Variants in PHF20 observed in about 807,000 individuals in gnomAD.
The protein encoded by PHF20 is glioma-expressed antigen 2.
A neutral mutation model predicts 113.5 loss-of-function variants in PHF20; 23 were observed. That is an observed-to-expected ratio of 0.20 (90% CI 0.15 to 0.29). The LOEUF is 0.29. PHF20 is among the 10% of genes least tolerant of loss of function. The pLI is 1.00. For missense variants in PHF20, 943 were observed against 1,219.6 expected, an observed-to-expected ratio of 0.77 and a Z score of 3.38; for synonymous variants, 434 against 457.3, an observed-to-expected ratio of 0.95 and a Z score of 0.65.
chr20:35,913,391 G>T, intron 11 of PHF20, 44 bp downstream of exon 11: 3 of 1,332,730 alleles, frequency 2.3e-6, no homozygotes, highest in South Asian at 2.5e-5. Context: ...TCCTTACTAT[G>T]AATGGGGAGG....
At chr20:35,833,234 T>C (rs1164261618) in intron 2 of PHF20, among the ~76,000 whole-genome samples, 1 of 152,168 alleles carries the variant, frequency 6.6e-6, no homozygotes, top group African/African-American at 2.4e-5. Flanking sequence ...TGGTCTTCTG[T>C]GGCTTCTTGG....
At chr20:35,852,381 C>A (rs561554734) in intron 4 of PHF20, among the ~76,000 whole-genome samples, 22 of 152,266 alleles carry the variant, frequency 1.4e-4, no homozygotes. Context: ...AGCTCCTGCT[C>A]AGTGATTATG....
At chr20:35,865,063 G>A (rs562211750) in intron 6 of PHF20, among the ~76,000 whole-genome samples, 80 of 152,028 alleles carry the variant, frequency 5.3e-4, no homozygotes, top group South Asian at 2.1e-3. Context: ...TTGGTGGTGG[G>A]TGCCTGTAAT....
intron 4 of PHF20, among the ~76,000 whole-genome samples, chr20:35,848,013 C>A (rs544180680): frequency 2.6e-5 from 4 of 152,062 alleles, no homozygotes; most frequent in African/African-American, 9.7e-5. Flanking sequence ...ATAATATGTA[C>A]GGTCAGGATC....
At chr20:35,842,226 T>G (rs1312812079) in intron 2 of PHF20, among the ~76,000 whole-genome samples, 1 of 152,024 alleles carries the variant, frequency 6.6e-6, no homozygotes, top group Non-Finnish European at 1.5e-5. Flanking sequence ...GGCGCTGTAA[T>G]CCCCGCTACT....
chr20:35,853,480 A>T (rs1025323031), intron 4 of PHF20: 4 of 152,236 alleles, frequency 2.6e-5, no homozygotes, highest in Non-Finnish European at 4.4e-5. Flanking sequence ...AGGATGGCAC[A>T]CATCTGTAAT....
chr20:35,887,794 A>G (rs1568710542), intron 9 of PHF20: 1 of 150,536 alleles, frequency 6.6e-6, no homozygotes, highest in Admixed American at 6.7e-5. Context: ...TGACATGTCT[A>G]CAAAGACTGA....
intron 1 of PHF20, among the ~76,000 whole-genome samples, chr20:35,789,639 C>T (rs953359591): frequency 2.6e-5 from 4 of 151,718 alleles, no homozygotes; most frequent in Non-Finnish European, 2.9e-5. Context: ...CTCCACCTGC[C>T]GGGTTCAAGC....
intron 2 of PHF20, among the ~76,000 whole-genome samples, chr20:35,832,717 T>C (rs1391748748): frequency 6.6e-6 from 1 of 152,156 alleles, no homozygotes; most frequent in African/African-American, 2.4e-5. Context: ...ACGTAGGGCC[T>C]GTCATCCTCT....
At chr20:35,786,045 A>C (rs867426366) in intron 1 of PHF20, among the ~76,000 whole-genome samples, 4 of 147,088 alleles carry the variant, frequency 2.7e-5, no homozygotes, top group Non-Finnish European at 3.0e-5. Context: ...AAAAAAAAAA[A>C]CAAAAAAAAA....
At chr20:35,779,772 C>T (rs1483880731) in intron 1 of PHF20, among the ~76,000 whole-genome samples, 6 of 152,082 alleles carry the variant, frequency 3.9e-5, no homozygotes, top group Admixed American at 2.0e-4. Context: ...CCACCCGCCT[C>T]GGCCTCCCAA....
intron 4 of PHF20, chr20:35,855,344 T>C: frequency 1.2e-6 from 1 of 825,446 alleles, no homozygotes; most frequent in South Asian, 1.5e-5. Context: ...TTGTTTATGC[T>C]CTTATCCTTT....
intron 12 of PHF20, chr20:35,917,220 T>C (rs936409730): frequency 3.9e-5 from 21 of 540,412 alleles, no homozygotes; most frequent in Admixed American, 9.5e-5. Flanking sequence ...CTGAGTTCTA[T>C]GATCTTGAGT....
At chr20:35,797,154 G>A (rs2041681821) in intron 1 of PHF20, among the ~76,000 whole-genome samples, 1 of 151,820 alleles carries the variant, frequency 6.6e-6, no homozygotes. Context: ...GCCTCCCAAA[G>A]TGCTGGGATT....
At chr20:35,930,476 C>A (rs73902939) in intron 14 of PHF20, among the ~76,000 whole-genome samples, 1 of 151,952 alleles carries the variant, frequency 6.6e-6, no homozygotes, top group African/African-American at 2.4e-5. Context: ...CACTCCTGGG[C>A]AACATGGCAA....
chr20:35,841,743 A>G (rs1038814664), intron 2 of PHF20, among the ~76,000 whole-genome samples: 5 of 151,718 alleles, frequency 3.3e-5, no homozygotes, highest in Non-Finnish European at 7.4e-5. Flanking sequence ...GCCCTCCAGC[A>G]TAGCGACAGA....
At chr20:35,934,734 T>TGGGGGGGGGGGGG (rs1336721467) in intron 15 of PHF20, among the ~76,000 whole-genome samples, 1 of 53,018 alleles carries the variant, frequency 1.9e-5, no homozygotes, top group African/African-American at 7.2e-5. Flanking sequence ...GAAGTAGGGG[T>TGGGGGGGGGGGGG]GGGGGTGGGG....
chr20:35,838,989 G>C (rs1177497991), intron 2 of PHF20, among the ~76,000 whole-genome samples: 10 of 138,538 alleles, frequency 7.2e-5, no homozygotes, highest in African/African-American at 2.8e-4. Flanking sequence ...GCGAGACCCT[G>C]TCTCAAAAAA....
Position 35,950,121 on chromosome 20 carries a change from A to G in PHF20, c.*2494A>G, listed in dbSNP as rs1227232332. The G allele has an allele frequency of 6.5e-6, 1 of 152,678 alleles. No individual in the cohort carries two copies. The allele number at this position is 152,678 out of a possible 1,614,324, so 9.5% of individuals were successfully genotyped here. On this transcript the variant is annotated 3_prime_UTR_variant, in exon 18 of 18. Coordinates refer to ENST00000374012, the MANE Select transcript of PHF20 (RefSeq NM_016436.5). ...CCTAAGTTTTGTCTTTAGAAAAACT[A>G]TCCACCTATAAAAAATTACCTTGAC...
Sources: allele counts gnomAD v4.1 joint callset (sites outside exome capture counted in the v4.1 genomes callset), GRCh38; gene constraint gnomAD v4.1.1; transcripts MANE v1.5; gene names NCBI Gene and HGNC (gene_info 2026-07-23, HGNC 2026-07-21).